Variants in ENTHD1 observed in about 807,000 individuals in gnomAD.
The protein encoded by ENTHD1 is ENTH domain containing 1.
Under a neutral mutation model 39.1 loss-of-function variants are expected in ENTHD1, and 23 were observed. That is an observed-to-expected ratio of 0.59 (90% confidence interval 0.42 to 0.83). The LOEUF is 0.83. Ranked by LOEUF, ENTHD1 falls within the 40% of genes least tolerant of loss-of-function variation. The pLI, the probability that ENTHD1 is intolerant of heterozygous loss-of-function variation, is 0.00. For synonymous variants in ENTHD1, 230 were observed against 258.2 expected (o/e 0.89, Z 1.05); for missense variants, 624 against 705.4 (o/e 0.88, Z 1.31).
chr22:39,873,017 G>A (rs537372870), intron 2 of ENTHD1, among the ~76,000 whole-genome samples: 1 of 151,118 alleles, frequency 6.6e-6, no homozygotes, highest in Admixed American at 6.6e-5. Context: ...TAGAGACAGG[G>A]TCTCACTATG....
intron 2 of ENTHD1, among the ~76,000 whole-genome samples, chr22:39,866,477 A>G (rs6001697): frequency 0.23 from 35,123 of 152,220 alleles, 4,414 homozygotes; most frequent in African/African-American, 0.31. Context: ...GTGATGTGCC[A>G]GACTTTAATT....
chr22:39,817,218 A>C, intron 5 of ENTHD1, among the ~76,000 whole-genome samples: 1 of 152,202 alleles, frequency 6.6e-6, no homozygotes, highest in East Asian at 1.9e-4. Context: ...TTACGATGAA[A>C]ATGGGCACAA....
rs2065265922 is a variant in ENTHD1 at position 39,765,204 on chromosome 22, G to GTA, written c.1219+18_1219+19insTA. 1.3e-6 allele frequency: 2 copies of GTA among 1,562,462 alleles called. No individual in the cohort carries two copies. The highest frequency in any genetic ancestry group is 2.7e-5 in the African/African-American group (2 of 73,372). ...TGTGTGTGTGTGTGTGTGTGTGTGT[G>GTA]TGTGTTTGGCAGACTCACCCCGTGT... is the stretch of plus-strand genomic sequence containing the variant. On this transcript the variant is annotated intron_variant, in intron 6 of 6. Coordinates refer to ENST00000325157, the MANE Select transcript of ENTHD1 (RefSeq NM_152512.4).
intron 2 of ENTHD1, 124 bp downstream of exon 2, chr22:39,887,276 A>G (rs2066386192): frequency 5.0e-6 from 4 of 794,838 alleles, no homozygotes; most frequent in Middle Eastern, 2.4e-4. Flanking sequence ...CACAGGTGCA[A>G]TCTTTCCTCA....
At chr22:39,889,744 A>G (rs1193342217) in intron 1 of ENTHD1, among the ~76,000 whole-genome samples, 1 of 152,168 alleles carries the variant, frequency 6.6e-6, no homozygotes, top group Admixed American at 6.5e-5. Context: ...TAAAAAAATG[A>G]GATAACCTCT....
chr22:39,838,400 T>C (rs1430363444), intron 3 of ENTHD1, among the ~76,000 whole-genome samples: 1 of 152,162 alleles, frequency 6.6e-6, no homozygotes, highest in Admixed American at 6.6e-5. Flanking sequence ...TAAATCACTA[T>C]ATAATTTCCA....
At chr22:39,830,911 T>C (rs959823515) in intron 4 of ENTHD1, among the ~76,000 whole-genome samples, 5 of 152,114 alleles carry the variant, frequency 3.3e-5, no homozygotes, top group African/African-American at 7.2e-5. Context: ...AAAATGCAAA[T>C]GTGAAAATTA....
At chr22:39,880,572 CA>C (rs1267384104) in intron 2 of ENTHD1, among the ~76,000 whole-genome samples, 2 of 152,136 alleles carry the variant, frequency 1.3e-5, no homozygotes, top group East Asian at 1.9e-4. Flanking sequence ...TACGCATGTA[CA>C]GGGGAAGAGG....
chr22:39,849,208 T>C (rs1218299452), intron 3 of ENTHD1, among the ~76,000 whole-genome samples: 1 of 152,226 alleles, frequency 6.6e-6, no homozygotes, highest in Admixed American at 6.5e-5. Flanking sequence ...AATTCTGGAA[T>C]CAGTACATCA....
At chr22:39,865,591 A>T (rs1174093877) in intron 2 of ENTHD1, among the ~76,000 whole-genome samples, 1 of 152,246 alleles carries the variant, frequency 6.6e-6, no homozygotes, top group African/African-American at 2.4e-5. Context: ...TTAGGCAGCA[A>T]AATTAAGAAA....
At chr22:39,855,074 A>G (rs1438297946) in intron 3 of ENTHD1, among the ~76,000 whole-genome samples, 1 of 152,242 alleles carries the variant, frequency 6.6e-6, no homozygotes, top group Non-Finnish European at 1.5e-5. Flanking sequence ...CCCTAGGAGC[A>G]GGTCCTGGAT....
chr22:39,745,798 G>T (rs1249013315), intron 6 of ENTHD1, among the ~76,000 whole-genome samples: 1 of 152,212 alleles, frequency 6.6e-6, no homozygotes, highest in Non-Finnish European at 1.5e-5. Context: ...ATGATCGTTT[G>T]GTTAAAGAAT....
chr22:39,815,394 G>A (rs981755356), intron 5 of ENTHD1, among the ~76,000 whole-genome samples: 5 of 151,500 alleles, frequency 3.3e-5, no homozygotes, highest in African/African-American at 1.2e-4. Context: ...AGTGAGCCAA[G>A]ATCGTGCCAT....
intron 3 of ENTHD1, among the ~76,000 whole-genome samples, chr22:39,836,342 A>C (rs1000750265): frequency 6.6e-6 from 1 of 152,166 alleles, no homozygotes; most frequent in Non-Finnish European, 1.5e-5. Flanking sequence ...AATAATTTAA[A>C]TTCTAGCCCT....
chr22:39,783,035 T>G (rs748895947), intron 5 of ENTHD1, among the ~76,000 whole-genome samples: 1 of 152,094 alleles, frequency 6.6e-6, no homozygotes, highest in Non-Finnish European at 1.5e-5. Flanking sequence ...AAAACCCAAA[T>G]ATTCCACAAA....
intron 5 of ENTHD1, among the ~76,000 whole-genome samples, chr22:39,799,075 G>A (rs1280924435): frequency 1.3e-5 from 2 of 152,190 alleles, no homozygotes; most frequent in South Asian, 4.1e-4. Flanking sequence ...ACGCAGGCTT[G>A]TTCTCAGGCC....
intron 3 of ENTHD1, among the ~76,000 whole-genome samples, chr22:39,846,927 C>G (rs904632188): frequency 7.2e-5 from 11 of 152,228 alleles, no homozygotes; most frequent in African/African-American, 2.2e-4. Flanking sequence ...GAAATAGGAA[C>G]ACTTTTACAC....
intron 3 of ENTHD1, 68 bp from the exon 4 acceptor site, chr22:39,836,026 A>G (rs1312715659): frequency 1.7e-6 from 2 of 1,185,250 alleles, no homozygotes; most frequent in Admixed American, 2.1e-5. Flanking sequence ...ATTAGTTCCC[A>G]ATTTGTAAGT....
At chr22:39,823,046 G>A (rs926944830) in intron 4 of ENTHD1, among the ~76,000 whole-genome samples, 2 of 152,130 alleles carry the variant, frequency 1.3e-5, no homozygotes, top group Non-Finnish European at 2.9e-5. Context: ...TCCCTCAACA[G>A]AACTAATCTG....
Sources: gnomAD v4.1 joint callset for allele counts (sites outside exome capture counted in the v4.1 genomes callset) on GRCh38, gnomAD v4.1.1 for gene constraint, MANE v1.5 for transcripts, NCBI Gene and HGNC (gene_info 2026-07-23, HGNC 2026-07-21) for gene names.